KHDC1: variants seen among roughly 807,000 people sequenced by gnomAD.
KHDC1 encodes the protein KH domain containing 1, also known as KH homology domain-containing protein 1.
KHDC1 carries 21 observed loss-of-function variants against 24.7 expected under a neutral mutation model. The ratio of observed to expected loss-of-function variants is 0.85; its 90% CI spans 0.60 to 1.23. The LOEUF is 1.23. Ranked by LOEUF, KHDC1 falls within the 50% of genes most tolerant of loss-of-function variation. The probability of loss-of-function intolerance (pLI) is 0.00; values close to 1 mark genes in which losing one functional copy is unlikely to be tolerated. For synonymous variants in KHDC1, 98 were observed against 111.7 expected (o/e 0.88, Z 0.77); for missense variants, 274 against 298.5 (o/e 0.92, Z 0.61).
At chr6:73,267,187 CA>C (rs58910600) in intron 2 of KHDC1, among the ~76,000 whole-genome samples, 2 of 143,494 alleles carry the variant, frequency 1.4e-5, no homozygotes, top group African/African-American at 5.2e-5. Context: ...TGGCTGTCAT[CA>C]AAAAAATGGG....
At chr6:73,309,402 G>T (rs2150760426) in intron 1 of KHDC1, 1 of 742,520 alleles carries the variant, frequency 1.3e-6, no homozygotes, top group Non-Finnish European at 2.0e-6. Context: ...CACACCCAGG[G>T]TTTTTTTTAA....
chr6:73,298,428 T>A (rs1767801645), intron 1 of KHDC1, among the ~76,000 whole-genome samples: 1 of 19,212 alleles, frequency 5.2e-5, no homozygotes, highest in Non-Finnish European at 2.0e-4. Flanking sequence ...TGCAAATTTT[T>A]TTTTTTTTTT....
intron 2 of KHDC1, chr6:73,291,296 G>A (rs1217672621): frequency 4.5e-6 from 1 of 223,588 alleles, no homozygotes; most frequent in East Asian, 1.3e-4. Context: ...TCTTAAACAA[G>A]ATGGAAATAA....
chr6:73,272,744 C>G (rs1166904470), intron 2 of KHDC1, among the ~76,000 whole-genome samples: 1 of 151,142 alleles, frequency 6.6e-6, no homozygotes, highest in Admixed American at 6.6e-5. Context: ...CCACTGCACT[C>G]CAGCCTGGGT....
At position 73,265,528 on chromosome 6, in the gene KHDC1, CAAAAA is replaced by C. The variant is rs70994179; in HGVS notation, c.207-23003_207-22999del. On this transcript the variant is annotated intron_variant, in intron 2 of 4. Coordinates refer to ENST00000370384, the Ensembl canonical transcript of KHDC1. ...TGGGCAACTGAGCGAGACTCCGTCT[CAAAAA>C]AAAAAAAAAAAAAAAAAAAGTAACG... Among the ~76,000 whole-genome samples the C allele has an allele frequency of 1.1e-3, 84 of 74,508 alleles. 1 individual carries two copies. Among genetic ancestry groups the C allele is most frequent in the Middle Eastern group, 0.011 (1 of 88 alleles). 48.9% of individuals were successfully genotyped at this position (74,508 alleles called of 152,430 possible).
intron 2 of KHDC1, chr6:73,263,020 C>T (rs1767010084): frequency 1.9e-6 from 2 of 1,031,818 alleles, no homozygotes; most frequent in African/African-American, 1.7e-5. Context: ...CGCCGCAGGC[C>T]TGGGCCACTC....
chr6:73,242,386 C>G lies in KHDC1; in HGVS notation c.331+20G>C, dbSNP rs76146370. 1.2e-6 allele frequency: 2 copies of G among 1,613,154 alleles called. No homozygotes were observed. The highest frequency in any genetic ancestry group is 2.2e-5 in the East Asian group (1 of 44,862). ...GAGAAGACAAGGATGAAGAAGGGGA[C>G]GTGGGCAAAGGCCACTCACCGAAGA... is the stretch of plus-strand genomic sequence containing the variant. On this transcript the variant is annotated intron_variant, in intron 3 of 4. Transcript: ENST00000370384.
At chr6:73,280,752 T>G (rs112083215) in intron 2 of KHDC1, among the ~76,000 whole-genome samples, 4,372 of 151,846 alleles carry the variant, frequency 0.029, 90 homozygotes, top group Non-Finnish European at 0.042. Context: ...ACTCCAGACC[T>G]CAGGTGACCT....
chr6:73,307,697 AC>A (rs1332327290), intron 1 of KHDC1, among the ~76,000 whole-genome samples: 1 of 152,110 alleles, frequency 6.6e-6, no homozygotes, highest in East Asian at 1.9e-4. Context: ...CCCATGAAGA[AC>A]CGTGCAACCG....
chr6:73,284,624 A>C (rs938174658), intron 2 of KHDC1: 1 of 151,982 alleles, frequency 6.6e-6, no homozygotes, highest in Non-Finnish European at 1.5e-5. Context: ...TACTACCACA[A>C]TGCTGTCTCA....
chr6:73,283,648 T>C (rs2150687198), intron 2 of KHDC1, among the ~76,000 whole-genome samples: 1 of 151,612 alleles, frequency 6.6e-6, no homozygotes, highest in East Asian at 1.9e-4. Flanking sequence ...ATTCTTTTTT[T>C]TTTTTTTTTG....
intron 2 of KHDC1, chr6:73,268,775 CG>C (rs912567066): frequency 6.6e-6 from 1 of 152,488 alleles, no homozygotes; most frequent in Non-Finnish European, 1.5e-5. Flanking sequence ...AGACTCTCCA[CG>C]TCCCCACTAG....
At chr6:73,294,630 G>A (rs1218822298) in intron 1 of KHDC1, among the ~76,000 whole-genome samples, 1 of 152,102 alleles carries the variant, frequency 6.6e-6, no homozygotes, top group Admixed American at 6.5e-5. Flanking sequence ...CTAGCAACAT[G>A]CCACTCATCC....
intron 2 of KHDC1, among the ~76,000 whole-genome samples, chr6:73,279,657 G>A (rs1017015646): frequency 7.1e-6 from 1 of 140,386 alleles, no homozygotes; most frequent in African/African-American, 2.7e-5. Context: ...ATGGCTCACT[G>A]CAGCCTTGAC....
At chr6:73,267,971 G>A (rs998600934) in intron 2 of KHDC1, 1 of 152,316 alleles carries the variant, frequency 6.6e-6, no homozygotes, top group African/African-American at 2.4e-5. Flanking sequence ...CGAGTAGCTG[G>A]GATTACAGGC....
intron 2 of KHDC1, among the ~76,000 whole-genome samples, chr6:73,257,167 C>A (rs1400652361): frequency 6.6e-6 from 1 of 152,162 alleles, no homozygotes; most frequent in African/African-American, 2.4e-5. Flanking sequence ...GTGGCATGCA[C>A]TTATAGTCCC....
chr6:73,287,061 C>G (rs1164068129), intron 2 of KHDC1, among the ~76,000 whole-genome samples: 2 of 151,944 alleles, frequency 1.3e-5, no homozygotes, highest in Admixed American at 1.3e-4. Flanking sequence ...TGAAAAGGCT[C>G]GGAAAAGTGA....
intron 1 of KHDC1, among the ~76,000 whole-genome samples, chr6:73,302,797 C>G (rs571942461): frequency 6.6e-6 from 1 of 152,284 alleles, no homozygotes; most frequent in Non-Finnish European, 1.5e-5. Flanking sequence ...GGAAATCTGG[C>G]CGGGCGCGGT....
At chr6:73,306,867 G>A (rs919907605) in intron 1 of KHDC1, among the ~76,000 whole-genome samples, 4 of 152,108 alleles carry the variant, frequency 2.6e-5, no homozygotes, top group Non-Finnish European at 5.9e-5. Context: ...AAATTAGCCA[G>A]GTGTGGTGGC....
Sources: allele counts gnomAD v4.1 joint callset (sites outside exome capture counted in the v4.1 genomes callset), GRCh38; gene constraint gnomAD v4.1.1; transcripts MANE v1.5; gene names NCBI Gene and HGNC (gene_info 2026-07-23, HGNC 2026-07-21).